Variants in STK32B observed in about 807,000 individuals in gnomAD.
STK32B encodes the protein serine/threonine kinase 32B.
Under a neutral mutation model 52.6 loss-of-function variants are expected in STK32B, and 43 were observed. That is an observed-to-expected ratio of 0.82 (90% CI 0.64 to 1.05). The LOEUF is 1.05. STK32B is among the 50% of genes least tolerant of loss of function. STK32B has a pLI of 0.00. For missense variants in STK32B, 621 were observed against 534.6 expected (o/e 1.16, Z -1.59); for synonymous variants, 238 against 204.3 (o/e 1.17, Z -1.41).
Position 5,499,179 on chromosome 4 carries a change from G to T in STK32B, c.*96G>T. ...CCCTGATGGTCCCTGTCTCACCCCT[G>T]AAAACATCAGATGCAGAAAAAGCCC... On this transcript the variant is annotated 3_prime_UTR_variant, in exon 12 of 12. Transcript: ENST00000282908. 1 of 1,423,886 alleles carries T rather than the reference G, an allele frequency of 7.0e-7. No homozygotes were observed. Among genetic ancestry groups the T allele is most frequent in the Non-Finnish European group, 9.3e-7 (1 of 1,076,904 alleles). 88.2% of individuals were successfully genotyped at this position (1,423,886 alleles called of 1,614,324 possible).
intron 11 of STK32B, among the ~76,000 whole-genome samples, chr4:5,478,998 T>C (rs1358650226): frequency 2.0e-5 from 3 of 152,176 alleles, no homozygotes. Context: ...ACTCCCAGGC[T>C]GACAAGAGTT....
In STK32B at chr4:5,416,763, T is replaced by C; in HGVS notation, c.473-82T>C. On this transcript the variant is annotated intron_variant, in intron 5 of 11. Coordinates refer to ENST00000282908, the MANE Select transcript of STK32B (RefSeq NM_018401.3). Reference sequence around the variant, plus strand: ...AAGTTCTAATGTTTTCTTCACGGTATCTCACCTTGCAAACCACAGCTTTAA... The same window carrying C: ...AAGTTCTAATGTTTTCTTCACGGTACCTCACCTTGCAAACCACAGCTTTAA... The C allele has an allele frequency of 3.4e-6, 4 of 1,160,926 alleles. No homozygotes were observed. The East Asian group carries it at 7.5e-5, about 22-fold the overall frequency. 71.9% of individuals were successfully genotyped at this position (1,160,926 alleles called of 1,614,324 possible). A position where few individuals can be genotyped will look rare whatever the true frequency, so the allele number is the denominator to read the frequency against.
At chr4:5,307,439 T>C (rs1021147249) in intron 3 of STK32B, among the ~76,000 whole-genome samples, 4 of 152,146 alleles carry the variant, frequency 2.6e-5, no homozygotes, top group Non-Finnish European at 5.9e-5. Flanking sequence ...TCTGAGACTT[T>C]CCAGTGCATT....
intron 3 of STK32B, among the ~76,000 whole-genome samples, chr4:5,204,458 T>TTTTGTTTTGTTTTGTTTTGTTTTG: frequency 6.8e-6 from 1 of 146,856 alleles, no homozygotes; most frequent in South Asian, 2.3e-4. Context: ...TTTTTAGGTT[T>TTTTGTTTTGTTTTGTTTTGTTTTG]TTTTGTTTTG....
At chr4:5,171,120 T>C (rs1466380057) in intron 3 of STK32B, among the ~76,000 whole-genome samples, 2 of 152,158 alleles carry the variant, frequency 1.3e-5, no homozygotes, top group Non-Finnish European at 2.9e-5. Flanking sequence ...GAGAAGTGTC[T>C]GTTCATATCC....
chr4:5,158,058 T>C (rs1718008960), intron 2 of STK32B, among the ~76,000 whole-genome samples: 1 of 152,194 alleles, frequency 6.6e-6, no homozygotes, highest in African/African-American at 2.4e-5. Context: ...GATCACTTTA[T>C]TAGGAGCTAA....
At chr4:5,184,673 C>T (rs1419791624) in intron 3 of STK32B, among the ~76,000 whole-genome samples, 8 of 107,590 alleles carry the variant, frequency 7.4e-5, no homozygotes, top group Admixed American at 2.4e-4. Context: ...GGTGACAGAG[C>T]GAGACTGTCT....
chr4:5,040,883 A>G, the STK32B span, among the ~76,000 whole-genome samples: 296 of 152,342 alleles, frequency 1.9e-3, 1 homozygote, highest in Non-Finnish European at 3.2e-3. Flanking sequence ...CCTGTGCAGC[A>G]TGAATACCCT....
intron 3 of STK32B, among the ~76,000 whole-genome samples, chr4:5,292,802 C>G (rs1283202612): frequency 6.6e-6 from 1 of 151,630 alleles, no homozygotes; most frequent in African/African-American, 2.4e-5. Context: ...ACTTTAAGTT[C>G]TGGGATACAT....
the STK32B span, among the ~76,000 whole-genome samples, chr4:5,024,035 G>A: frequency 6.6e-6 from 1 of 152,186 alleles, no homozygotes; most frequent in Admixed American, 6.5e-5. Flanking sequence ...AAAATATAGA[G>A]GGAATCTGGA....
the STK32B span, among the ~76,000 whole-genome samples, chr4:5,037,203 C>T: frequency 5.9e-5 from 9 of 152,152 alleles, no homozygotes; most frequent in Non-Finnish European, 1.2e-4. Context: ...ATCCTAGTCA[C>T]GACAATCAAA....
chr4:5,179,628 G>A (rs935843058), intron 3 of STK32B, among the ~76,000 whole-genome samples: 2 of 152,172 alleles, frequency 1.3e-5, no homozygotes, highest in African/African-American at 4.8e-5. Flanking sequence ...ATTGATAGAC[G>A]ATGGCCCTTC....
chr4:5,472,759 C>T (rs1246538837), intron 11 of STK32B, among the ~76,000 whole-genome samples: 2 of 152,194 alleles, frequency 1.3e-5, no homozygotes, highest in African/African-American at 4.8e-5. Flanking sequence ...TCTACTATTG[C>T]ATTTGTTACA....
rs1425433421 is a variant in STK32B at position 5,416,880 on chromosome 4, G to A, written c.508G>A (p.Val170Ile). 6.2e-7 allele frequency: 1 copy of A among 1,613,976 alleles called. No homozygotes were observed. The highest frequency in any genetic ancestry group is 1.1e-5 in the South Asian group (1 of 90,998). The change falls in exon 6 of 12, where the codon GTA becomes ATA. Residue 170 changes from valine (V) to isoleucine (I), a missense_variant. Transcript: ENST00000282908. ...CATTACAGACTTCAACATAGCGACG[G>A]TAGTGAAAGGAGCAGAAAGGGCTTC... is the stretch of plus-strand genomic sequence containing the variant. ...VHITDFNIATVVKGAERASSM... is the reference protein window; with the variant it reads ...VHITDFNIATIVKGAERASSM...
At chr4:5,174,147 T>C (rs1719623984) in intron 3 of STK32B, among the ~76,000 whole-genome samples, 1 of 152,144 alleles carries the variant, frequency 6.6e-6, no homozygotes, top group Non-Finnish European at 1.5e-5. Flanking sequence ...TGTTTTCCAT[T>C]TTCTTGGTCG....
At chr4:5,487,477 C>T (rs116314208) in intron 11 of STK32B, among the ~76,000 whole-genome samples, 2,696 of 152,200 alleles carry the variant, frequency 0.018, 84 homozygotes, top group African/African-American at 0.06. Context: ...AACTCACAGC[C>T]GAAGCCTAAG....
chr4:5,168,368 A>G lies in STK32B; in HGVS notation c.178A>G (p.Ile60Val), dbSNP rs761860840. 1 of 1,613,978 alleles carries G rather than the reference A, an allele frequency of 6.2e-7. No homozygotes were observed. The highest frequency in any genetic ancestry group is 8.5e-7 in the Non-Finnish European group (1 of 1,179,992). The part of the protein sequence containing the change: ...AMKYMNKQKC[I>V]ERDEVRNVFR... ...GAAGTACATGAACAAGCAGAAGTGC[A>G]TCGAGAGGGATGAGGTTCGGAATGT... The change falls in exon 3 of 12, where the codon ATC (isoleucine) becomes GTC (valine). Residue 60 changes from isoleucine to valine, a missense_variant. Physicochemically the swap from Ile to Val is conservative, Grantham distance 29. Transcript: ENST00000282908.
At chr4:5,239,423 C>T (rs76400438) in intron 3 of STK32B, among the ~76,000 whole-genome samples, 8,291 of 152,074 alleles carry the variant, frequency 0.055, 435 homozygotes, top group African/African-American at 0.14. Flanking sequence ...CCTGCAGACC[C>T]CTGCTTGTGG....
At chr4:5,032,066 CT>C in the STK32B span, among the ~76,000 whole-genome samples, 5 of 152,024 alleles carry the variant, frequency 3.3e-5, no homozygotes, top group South Asian at 6.2e-4. Context: ...ATTGACTTAG[CT>C]AAACAAATAC....
Sources: allele counts gnomAD v4.1 joint callset (sites outside exome capture counted in the v4.1 genomes callset), GRCh38; gene constraint gnomAD v4.1.1; transcripts MANE v1.5; gene names NCBI Gene and HGNC (gene_info 2026-07-23, HGNC 2026-07-21).